MYO1C: variants seen among roughly 807,000 people sequenced by gnomAD.
MYO1C encodes the protein myosin IC.
A neutral mutation model predicts 150.8 loss-of-function variants in MYO1C; 104 were observed. That is an observed-to-expected ratio of 0.69 (90% confidence interval 0.59 to 0.81). The LOEUF is 0.81. MYO1C is among the 30% of genes least tolerant of loss of function. The pLI is 0.00. For synonymous variants in MYO1C, 663 were observed against 579.9 expected (o/e 1.14, Z -2.06); for missense variants, 1,504 against 1,435.0 (o/e 1.05, Z -0.78).
chr17:1,478,405 C>T lies in MYO1C; in HGVS notation c.1295+5G>A. 6.2e-7 allele frequency: 1 copy of T among 1,614,134 alleles called. No individual in the cohort carries two copies. Among genetic ancestry groups the T allele is most frequent in the Non-Finnish European group, 8.5e-7 (1 of 1,180,012 alleles). On this transcript the variant is annotated splice_donor_5th_base_variant and intron_variant, in intron 11 of 31. Transcript: ENST00000648651. This position sits in a 1 kb window ranked among gnomAD's most constrained non-coding sequence, Gnocchi z 6.3. ...GAGGAGAGACGGGGGAAAGATGGCA[C>T]CGACCTGTTATGCTGAAACACTTCA...
At chr17:1,477,395 C>T (rs1196051679) in intron 14 of MYO1C, 110 bp downstream of exon 14, 3 of 1,003,588 alleles carry the variant, frequency 3.0e-6, no homozygotes, top group African/African-American at 3.2e-5. Flanking sequence ...AGCACCGTCC[C>T]TGGTCACCTC....
At position 1,477,572 on chromosome 17, in the gene MYO1C, C is replaced by T. The variant is rs2074424866; in HGVS notation, c.1507G>A (p.Glu503Lys). ...ILDEECLRPG[E>K]ATDLTFLEKL... ...TCCAGGAAGGTCAGGTCTGTGGCCT[C>T]CCCGGGGCGCAGACACTCCTCATCC... is the stretch of plus-strand genomic sequence containing the variant. The change falls in exon 14 of 32, where the codon GAG becomes AAG. Residue 503 changes from glutamate to lysine, a missense_variant. Transcript: ENST00000648651. 4.3e-6 allele frequency: 7 copies of T among 1,613,320 alleles called. No homozygotes were observed.
At chr17:1,486,422 T>TC (rs1056522055) in intron 1 of MYO1C, among the ~76,000 whole-genome samples, 7 of 149,552 alleles carry the variant, frequency 4.7e-5, no homozygotes, top group South Asian at 2.1e-4. Context: ...GAAATTCGCG[T>TC]CCCCCCCGCC....
At chr17:1,468,593 C>T (rs1032389369) in intron 25 of MYO1C, 97 bp from the exon 26 acceptor site, 26 of 962,226 alleles carry the variant, frequency 2.7e-5, no homozygotes, top group Admixed American at 2.3e-4. Context: ...CTCCCTCACC[C>T]GCTTGCTGGT....
In MYO1C at chr17:1,480,639, A is replaced by T. The variant is rs756844841; in HGVS notation, c.808-14T>A. 6.2e-7 allele frequency: 1 copy of T among 1,613,842 alleles called. No individual in the cohort carries two copies. The highest frequency in any genetic ancestry group is 8.5e-7 in the Non-Finnish European group (1 of 1,179,894). ...GGCACACTGGCCCTGGAGGAAGGGC[A>T]CAGCTGGGTTGCCAGCCCTGGCACC... On this transcript the variant is annotated splice_polypyrimidine_tract_variant and intron_variant, in intron 6 of 31. Transcript: ENST00000648651.
At chr17:1,476,454 C>A (rs978190416) in intron 14 of MYO1C, among the ~76,000 whole-genome samples, 3 of 152,176 alleles carry the variant, frequency 2.0e-5, no homozygotes, top group Admixed American at 2.0e-4. Context: ...GGATGACAGG[C>A]GTGAGCCACC....
chr17:1,482,346 G>A, intron 5 of MYO1C, 132 bp downstream of exon 5: 2 of 828,872 alleles, frequency 2.4e-6, no homozygotes, highest in South Asian at 1.4e-5. Flanking sequence ...CACCCTGGAA[G>A]GCAGGATTTT....
rs374602708 is a variant in MYO1C, at chr17:1,492,407, G to C, written c.75+6C>G. ...CCTCCTCCCAGCCCAGAGCATCCCA[G>C]CTTACAAGCTTGCAGGGCCTGTGGG... On this transcript the variant is annotated splice_donor_region_variant and intron_variant, in intron 1 of 31. Transcript: ENST00000648651. 6.2e-7 allele frequency: 1 copy of C among 1,600,764 alleles called. No homozygotes were observed. Among genetic ancestry groups the C allele is most frequent in the Non-Finnish European group, 8.5e-7 (1 of 1,174,084 alleles).
chr17:1,483,054 GC>G lies in MYO1C; in HGVS notation c.352del (p.Ala118ProfsTer19). On this transcript the variant is annotated frameshift_variant, in exon 4 of 32. Coordinates refer to ENST00000648651, the MANE Select transcript of MYO1C (RefSeq NM_001080779.2). LOFTEE classifies it high-confidence loss of function. ...SFYEVPPHLFAVADTVYRALR... is the reference protein window; with the variant it reads ...SFYEVPPHLFXVADTVYRALR... ...TGCTCGGTACACAGTGTCCGCCACGGCAAACCTGGGGCGGAGGCTCGTCAGG... is the reference window on the plus strand; with the variant it reads ...TGCTCGGTACACAGTGTCCGCCACGGAAACCTGGGGCGGAGGCTCGTCAGG... 6.2e-7 allele frequency: 1 copy of G among 1,603,766 alleles called. No homozygotes were observed. The highest frequency in any genetic ancestry group is 8.5e-7 in the Non-Finnish European group (1 of 1,176,182).
chr17:1,484,993 C>T, intron 1 of MYO1C: 1 of 729,112 alleles, frequency 1.4e-6, no homozygotes, highest in Non-Finnish European at 2.1e-6. Flanking sequence ...GGCTCAGCCA[C>T]CCACTCCAGA....
chr17:1,484,437 G>C (rs1331714628), intron 1 of MYO1C, 134 bp from the exon 2 acceptor site: 1 of 1,104,524 alleles, frequency 9.1e-7, no homozygotes, highest in African/African-American at 1.5e-5. Flanking sequence ...TGAGCATGAC[G>C]GGTGCGGGGG....
chr17:1,473,207 A>G (rs2074339579), intron 17 of MYO1C, among the ~76,000 whole-genome samples: 1 of 152,166 alleles, frequency 6.6e-6, no homozygotes, highest in African/African-American at 2.4e-5. Flanking sequence ...CTCAAAAACA[A>G]AAACAAAAAC....
chr17:1,480,672 T>A, intron 6 of MYO1C, 34 bp downstream of exon 6: 2 of 1,614,016 alleles, frequency 1.2e-6, no homozygotes, highest in Non-Finnish European at 1.7e-6. Flanking sequence ...ACCAGATCCC[T>A]GGGTGGCACC....
At chr17:1,476,425 T>G (rs187978951) in intron 14 of MYO1C, among the ~76,000 whole-genome samples, 1 of 152,316 alleles carries the variant, frequency 6.6e-6, no homozygotes, top group African/African-American at 2.4e-5. Flanking sequence ...TCTGCCCACC[T>G]AGGCCTCCCA....
Position 1,482,465 on chromosome 17 carries a change from A to G in MYO1C, c.627+13T>C, listed in dbSNP as rs757578536. ...CTGAATGGGAATCCTCACGACACAC[A>G]CATCCATGGTACCTTGAAGTCAAAC... On this transcript the variant is annotated intron_variant, in intron 5 of 31. Coordinates refer to ENST00000648651, the MANE Select transcript of MYO1C (RefSeq NM_001080779.2). The G allele has an allele frequency of 1.9e-6, 3 of 1,611,918 alleles. No homozygotes were observed. In the East Asian group the frequency reaches 6.7e-5, roughly 36 times the overall value.
rs1465288612 is a variant in MYO1C at position 1,464,976 on chromosome 17, C to A, written c.*750G>T. 6.6e-6 allele frequency: 1 copy of A among 152,138 alleles called. No individual in the cohort carries two copies. The highest frequency in any genetic ancestry group is 2.4e-5 in the African/African-American group (1 of 41,396). 9.4% of individuals were successfully genotyped at this position (152,138 alleles called of 1,614,324 possible). On this transcript the variant is annotated 3_prime_UTR_variant, in exon 32 of 32. Coordinates refer to ENST00000648651, the MANE Select transcript of MYO1C (RefSeq NM_001080779.2). ...TAGAGGCGTGCACCACCATGCCCGG[C>A]TAATTTTGTATTTTTACTAGAGGCG...
rs8069059 is a variant in MYO1C, at chr17:1,467,794, T to C, written c.2967+46A>G. 0.73 allele frequency: 451,983 copies of C among 616,634 alleles called. 162,953 individuals are homozygous for C. Among genetic ancestry groups the C allele is most frequent in the African/African-American group, 0.89 (32,713 of 36,948 alleles). The allele number at this position is 616,634 out of a possible 1,614,324, so 38.2% of individuals were successfully genotyped here. A position where few individuals can be genotyped will look rare whatever the true frequency, so the allele number is the denominator to read the frequency against. ...CCCCCATCCACCCCACCTCCCCATC[T>C]ACCTCCCCCATCCCCCACCACTCCT... On this transcript the variant is annotated intron_variant, in intron 29 of 31. Transcript: ENST00000648651.
At chr17:1,485,416 A>C in intron 1 of MYO1C, 1 of 957,614 alleles carries the variant, frequency 1.0e-6, no homozygotes, top group Non-Finnish European at 1.3e-6. Context: ...TCCCGCGCCG[A>C]AGCGGCTGCC....
rs968158349 is a variant in MYO1C at position 1,479,859 on chromosome 17, G to A, written c.907-154C>T. Among the ~76,000 whole-genome samples the A allele has an allele frequency of 1.4e-4, 22 of 152,126 alleles. No individual in the cohort carries two copies. Among genetic ancestry groups the A allele is most frequent in the African/African-American group, 3.6e-4 (15 of 41,424 alleles). On this transcript the variant is annotated intron_variant, in intron 7 of 31. Transcript: ENST00000648651. This position sits in a 1 kb window ranked among gnomAD's most constrained non-coding sequence, Gnocchi z 4.2. ...TGTTAAAGGTGGAAGGTGATTCTGC[G>A]GGTGGGATGGGCACGGTGGCTGACG... is the stretch of plus-strand genomic sequence containing the variant.
Sources: gnomAD v4.1 joint callset for allele counts (sites outside exome capture counted in the v4.1 genomes callset) on GRCh38, gnomAD v4.1.1 for gene constraint, Gnocchi (gnomAD v3.1) non-coding constraint, MANE v1.5 for transcripts, NCBI Gene and HGNC (gene_info 2026-07-23, HGNC 2026-07-21) for gene names.